Variants in CAST observed in about 807,000 individuals in gnomAD.
CAST encodes the protein MIR583 host.
A neutral mutation model predicts 119.6 loss-of-function variants in CAST; 76 were observed. That is an observed-to-expected ratio of 0.64 (90% CI 0.53 to 0.77). CAST has a LOEUF of 0.77. Among genes scored for constraint, CAST ranks in the 30% least tolerant of loss-of-function variants. The probability of loss-of-function intolerance (pLI) is 0.00; values close to 1 mark genes in which losing one functional copy is unlikely to be tolerated. For missense variants in CAST, 953 were observed against 946.5 expected (o/e 1.01, Z -0.09); for synonymous variants, 319 against 331.6 (o/e 0.96, Z 0.41).
the CAST span, among the ~76,000 whole-genome samples, chr5:96,128,151 A>AT: frequency 1.3e-5 from 2 of 152,042 alleles, no homozygotes; most frequent in Non-Finnish European, 2.9e-5. Context: ...CAGTCTTGAG[A>AT]TTTTTAGTGG....
the CAST span, among the ~76,000 whole-genome samples, chr5:96,090,406 A>G: frequency 1.2e-4 from 19 of 152,192 alleles, no homozygotes; most frequent in South Asian, 3.9e-3. Flanking sequence ...AGGTGGGGCC[A>G]TTAGTTCCCA....
the CAST span, among the ~76,000 whole-genome samples, chr5:96,042,626 T>C: frequency 2.0e-5 from 3 of 152,182 alleles, no homozygotes; most frequent in Non-Finnish European, 4.4e-5. Context: ...CCATTTAGCC[T>C]TAAATATGCC....
At chr5:96,726,051 A>G (rs1156569083) in intron 4 of CAST, among the ~76,000 whole-genome samples, 1 of 152,218 alleles carries the variant, frequency 6.6e-6, no homozygotes, top group African/African-American at 2.4e-5. Flanking sequence ...TAGCCTCTTC[A>G]AATAAAAATA....
the CAST span, among the ~76,000 whole-genome samples, chr5:96,345,249 C>G: frequency 1.3e-5 from 2 of 151,738 alleles, no homozygotes; most frequent in Non-Finnish European, 2.9e-5. Flanking sequence ...AGCTTCTTAA[C>G]CTAATCTACT....
intron 1 of CAST, among the ~76,000 whole-genome samples, chr5:96,673,908 T>C (rs1267190165): frequency 2.6e-5 from 4 of 152,212 alleles, no homozygotes; most frequent in African/African-American, 4.8e-5. Context: ...CACCAAGCTA[T>C]TGCACCCTGG....
At chr5:96,368,606 A>C in the CAST span, among the ~76,000 whole-genome samples, 1 of 151,998 alleles carries the variant, frequency 6.6e-6, no homozygotes, top group East Asian at 1.9e-4. Flanking sequence ...GATTCGCTCC[A>C]GTAGGAAGTG....
intron 1 of CAST, among the ~76,000 whole-genome samples, chr5:96,622,804 A>T (rs1439930700): frequency 6.7e-6 from 1 of 149,522 alleles, no homozygotes; most frequent in Non-Finnish European, 1.5e-5. Flanking sequence ...CTTACTTGCT[A>T]TTCAACTGCA....
At position 96,767,460 on chromosome 5, in the gene CAST, C is replaced by T. The variant is rs1386137192; in HGVS notation, c.2153C>T (p.Thr718Ile). ...NGQDKPVKPP[T>I]KKSEDSKKPA... ...AAGGACAAACCAGTGAAGCCACCTACAAAGAAATCAGAGGATTCAAAGGTA... is the reference window on the plus strand; with the variant it reads ...AAGGACAAACCAGTGAAGCCACCTATAAAGAAATCAGAGGATTCAAAGGTA... The change falls in exon 28 of 32, where the codon ACA becomes ATA. Residue 718 changes from threonine (T) to isoleucine (I), a missense_variant. Coordinates refer to ENST00000675179, the MANE Select transcript of CAST (RefSeq NM_001750.7). The T allele has an allele frequency of 6.2e-7, 1 of 1,612,758 alleles. No individual in the cohort carries two copies.
the CAST span, among the ~76,000 whole-genome samples, chr5:96,270,672 C>G: frequency 2.0e-5 from 3 of 151,948 alleles, no homozygotes; most frequent in African/African-American, 7.3e-5. Context: ...CACATGGACA[C>G]ATGGTGGGGA....
the CAST span, among the ~76,000 whole-genome samples, chr5:96,310,436 C>T: frequency 6.6e-6 from 1 of 152,270 alleles, no homozygotes; most frequent in South Asian, 2.1e-4. Flanking sequence ...CAGAACCATG[C>T]TAGCCTCATA....
chr5:96,050,540 A>G, the CAST span, among the ~76,000 whole-genome samples: 1 of 152,206 alleles, frequency 6.6e-6, no homozygotes, highest in East Asian at 1.9e-4. Context: ...GATGTTGAGG[A>G]AGTTCATGCT....
At chr5:95,997,962 G>GTTTTTT in the CAST span, among the ~76,000 whole-genome samples, 18 of 111,674 alleles carry the variant, frequency 1.6e-4, no homozygotes, top group African/African-American at 2.9e-4. Context: ...TTTGAGAGAG[G>GTTTTTT]GTTTTTTTTT....
At chr5:96,127,738 A>C in the CAST span, among the ~76,000 whole-genome samples, 1 of 152,106 alleles carries the variant, frequency 6.6e-6, no homozygotes, top group African/African-American at 2.4e-5. Context: ...TTGGCATCAA[A>C]TGCTGCCAGT....
At chr5:96,693,239 C>A (rs1220446666) in intron 2 of CAST, among the ~76,000 whole-genome samples, 4 of 152,162 alleles carry the variant, frequency 2.6e-5, no homozygotes, top group Non-Finnish European at 1.5e-5. Flanking sequence ...CAGATCATAC[C>A]CACAAGAAAG....
At chr5:96,740,839 G>T in intron 13 of CAST, 56 bp downstream of exon 13, 1 of 1,110,248 alleles carries the variant, frequency 9.0e-7, no homozygotes, top group Non-Finnish European at 1.4e-6. Context: ...TTTTTGGCTG[G>T]GGGAACAGGG....
At chr5:96,127,812 A>C in the CAST span, among the ~76,000 whole-genome samples, 1 of 152,074 alleles carries the variant, frequency 6.6e-6, no homozygotes, top group Non-Finnish European at 1.5e-5. Flanking sequence ...TTTTTATATC[A>C]CTTGCTTAAA....
the CAST span, among the ~76,000 whole-genome samples, chr5:96,044,634 A>G: frequency 2.6e-5 from 4 of 152,174 alleles, no homozygotes; most frequent in Non-Finnish European, 2.9e-5. Flanking sequence ...ATGCTTACCT[A>G]TGTGTCCCAA....
intron 16 of CAST, among the ~76,000 whole-genome samples, chr5:96,742,992 G>A (rs376772525): frequency 1.3e-5 from 2 of 152,228 alleles, no homozygotes; most frequent in East Asian, 3.8e-4. Flanking sequence ...CCTTGCTAGA[G>A]CTTAAATGAC....
intron 1 of CAST, among the ~76,000 whole-genome samples, chr5:96,614,130 C>T (rs1477266820): frequency 6.6e-6 from 1 of 152,218 alleles, no homozygotes; most frequent in East Asian, 1.9e-4. Flanking sequence ...AGAACCACCA[C>T]TAACTCTACA....
Sources: allele counts gnomAD v4.1 joint callset (sites outside exome capture counted in the v4.1 genomes callset), GRCh38; gene constraint gnomAD v4.1.1; transcripts MANE v1.5; gene names NCBI Gene and HGNC (gene_info 2026-07-23, HGNC 2026-07-21).